The following INPP4B variants were observed in gnomAD, a reference collection of about 807,000 sequenced individuals.
INPP4B encodes inositol polyphosphate 4-phosphatase type II.
In INPP4B, 55 loss-of-function variants were observed where a neutral mutation model predicts 122.5. The ratio of observed to expected loss-of-function variants is 0.45; its 90% CI spans 0.36 to 0.56. The LOEUF (loss-of-function observed/expected upper bound fraction) is 0.56. Ranked by LOEUF, INPP4B falls within the 20% of genes least tolerant of loss-of-function variation. The probability of loss-of-function intolerance (pLI) is 0.00; values close to 1 mark genes in which losing one functional copy is unlikely to be tolerated. For synonymous variants in INPP4B, 403 were observed against 388.7 expected (o/e 1.04, Z -0.43); for missense variants, 1,000 against 1,097.7 (o/e 0.91, Z 1.26).
At chr4:142,383,825 C>A in intron 7 of INPP4B, 1 of 444,998 alleles carries the variant, frequency 2.2e-6, no homozygotes, top group Non-Finnish European at 4.0e-6. Context: ...ATATAGAGGA[C>A]CTTGACTTTA....
intron 11 of INPP4B, among the ~76,000 whole-genome samples, chr4:142,257,431 G>A (rs559146499): frequency 6.1e-4 from 93 of 152,240 alleles, no homozygotes; most frequent in African/African-American, 2.2e-3. Context: ...GTTTGCAGAT[G>A]ACATGATTGT....
chr4:142,169,565 T>C (rs1356249177), intron 16 of INPP4B, among the ~76,000 whole-genome samples: 2 of 151,728 alleles, frequency 1.3e-5, no homozygotes, highest in Non-Finnish European at 3.0e-5. Flanking sequence ...ATTGTATATG[T>C]TTCAGAATAC....
chr4:142,770,940 G>C (rs1383848230), intron 1 of INPP4B, among the ~76,000 whole-genome samples: 1 of 152,170 alleles, frequency 6.6e-6, no homozygotes, highest in Non-Finnish European at 1.5e-5. Flanking sequence ...CTAGCAGTTA[G>C]TCAGTCAATA....
intron 10 of INPP4B, among the ~76,000 whole-genome samples, chr4:142,263,639 A>AATATATATATATATATATAT (rs36227189): frequency 3.1e-4 from 13 of 41,834 alleles, no homozygotes; most frequent in African/African-American, 4.5e-4. Flanking sequence ...AAATTCGTAA[A>AATATATATATATATATATAT]ATATATATAT....
intron 5 of INPP4B, among the ~76,000 whole-genome samples, chr4:142,420,310 T>C (rs1806596218): frequency 6.6e-6 from 1 of 152,074 alleles, no homozygotes; most frequent in South Asian, 2.1e-4. Context: ...AGTTAAATGA[T>C]ATAGTCCTGG....
intron 9 of INPP4B, among the ~76,000 whole-genome samples, chr4:142,289,969 C>A (rs548831059): frequency 6.6e-6 from 1 of 152,226 alleles, no homozygotes; most frequent in East Asian, 1.9e-4. Context: ...ACCACCATCA[C>A]TCCTCCCTTG....
chr4:142,369,387 C>G lies in INPP4B; in HGVS notation c.372+33551G>C, dbSNP rs113751044. On this transcript the variant is annotated intron_variant, in intron 7 of 25. Coordinates refer to ENST00000262992, the MANE Select transcript of INPP4B (RefSeq NM_001101669.3). Reference sequence around the variant, plus strand: ...ATGCTTGAGCCAAGGAGTTCAAGACCAGCTTGGGCAACATGATGATGAAAC... The same window carrying G: ...ATGCTTGAGCCAAGGAGTTCAAGACGAGCTTGGGCAACATGATGATGAAAC... Among the ~76,000 whole-genome samples, 278 of 151,656 alleles carry G rather than the reference C, an allele frequency of 1.8e-3. 2 individuals carry two copies. Among genetic ancestry groups the G allele is most frequent in the Admixed American group, 3.8e-3 (57 of 15,190 alleles).
rs569912570 is a variant in INPP4B at position 142,285,878 on chromosome 4, G to A, written c.504-15104C>T. Reference sequence around the variant, plus strand: ...GTTTAGCTAGGCAAAATATGCAAGGGCAGACAGGGCAACATTAATTTTAAA... The same window carrying A: ...GTTTAGCTAGGCAAAATATGCAAGGACAGACAGGGCAACATTAATTTTAAA... On this transcript the variant is annotated intron_variant, in intron 9 of 25. Coordinates refer to ENST00000262992, the MANE Select transcript of INPP4B (RefSeq NM_001101669.3). 9.9e-5 allele frequency among the ~76,000 whole-genome samples: 15 copies of A among 152,254 alleles called. No individual in the cohort carries two copies. In the South Asian group the frequency reaches 3.1e-3, roughly 32 times the overall value.
intron 2 of INPP4B, among the ~76,000 whole-genome samples, chr4:142,589,130 C>A (rs1268377288): frequency 6.6e-6 from 1 of 151,796 alleles, no homozygotes; most frequent in Non-Finnish European, 1.5e-5. Flanking sequence ...TCAGAACAAC[C>A]GGACATCCAT....
At chr4:142,437,563 A>G (rs958047502) in intron 3 of INPP4B, among the ~76,000 whole-genome samples, 3 of 152,134 alleles carry the variant, frequency 2.0e-5, no homozygotes, top group Non-Finnish European at 4.4e-5. Flanking sequence ...CAGATCTCTT[A>G]GAAGAAACCC....
At chr4:142,656,717 G>C (rs1413950602) in intron 2 of INPP4B, among the ~76,000 whole-genome samples, 1 of 152,184 alleles carries the variant, frequency 6.6e-6, no homozygotes, top group African/African-American at 2.4e-5. Flanking sequence ...AGAATAAGAG[G>C]CTCTTCCCCA....
chr4:142,142,031 T>G (rs1301519632), intron 18 of INPP4B, among the ~76,000 whole-genome samples: 1 of 151,940 alleles, frequency 6.6e-6, no homozygotes, highest in Non-Finnish European at 1.5e-5. Flanking sequence ...CCAGAAGTAA[T>G]ACAACATGAA....
At chr4:142,272,694 T>C (rs968901749) in intron 9 of INPP4B, among the ~76,000 whole-genome samples, 2 of 152,026 alleles carry the variant, frequency 1.3e-5, no homozygotes, top group Non-Finnish European at 2.9e-5. Flanking sequence ...CAATAACTTG[T>C]CATAAGTCAT....
At chr4:142,541,487 T>C (rs776009840) in intron 2 of INPP4B, among the ~76,000 whole-genome samples, 12 of 151,250 alleles carry the variant, frequency 7.9e-5, no homozygotes, top group Non-Finnish European at 1.3e-4. Flanking sequence ...ATTAAAAGAA[T>C]CTGTCCAATT....
intron 4 of INPP4B, among the ~76,000 whole-genome samples, chr4:142,429,981 T>G (rs928896895): frequency 6.6e-6 from 1 of 152,046 alleles, no homozygotes; most frequent in Non-Finnish European, 1.5e-5. Flanking sequence ...TTGTTACAAC[T>G]CAAGGGTGGC....
chr4:142,478,258 A>G (rs1820056513), intron 2 of INPP4B, among the ~76,000 whole-genome samples: 1 of 152,088 alleles, frequency 6.6e-6, no homozygotes. Flanking sequence ...TATTTGGATG[A>G]CTTTTATTTC....
At chr4:142,203,194 C>A (rs1841405923) in intron 14 of INPP4B, among the ~76,000 whole-genome samples, 1 of 152,052 alleles carries the variant, frequency 6.6e-6, no homozygotes, top group Admixed American at 6.6e-5. Flanking sequence ...AAAGTAAAAC[C>A]ATAGCTATAT....
intron 1 of INPP4B, among the ~76,000 whole-genome samples, chr4:142,806,236 A>G (rs1380622135): frequency 5.7e-4 from 79 of 137,462 alleles, no homozygotes; most frequent in African/African-American, 2.1e-3. Flanking sequence ...CCGAGATGGC[A>G]CCACTGCAGT....
intron 7 of INPP4B, among the ~76,000 whole-genome samples, chr4:142,363,338 A>AATAT (rs927166227): frequency 6.6e-6 from 1 of 150,884 alleles, no homozygotes; most frequent in African/African-American, 2.4e-5. Flanking sequence ...CATATAAACA[A>AATAT]ATATATATAT....
Sources: gnomAD v4.1 joint callset for allele counts (sites outside exome capture counted in the v4.1 genomes callset) on GRCh38, gnomAD v4.1.1 for gene constraint, MANE v1.5 for transcripts, NCBI Gene and HGNC (gene_info 2026-07-23, HGNC 2026-07-21) for gene names.